The following KCNIP1 variants were observed in gnomAD, a reference collection of about 807,000 sequenced individuals.
The protein encoded by KCNIP1 is A-type potassium channel modulatory protein KCNIP1.
Under a neutral mutation model 33.0 loss-of-function variants are expected in KCNIP1, and 18 were observed. The ratio of observed to expected loss-of-function variants is 0.55; its 90% CI spans 0.38 to 0.81. The LOEUF (loss-of-function observed/expected upper bound fraction) is 0.81, where lower values mean the gene tolerates loss of function less well. Among genes scored for constraint, KCNIP1 ranks in the 30% least tolerant of loss-of-function variants. The pLI is 0.00. For missense variants in KCNIP1, 238 were observed against 271.6 expected, an observed-to-expected ratio of 0.88 and a Z score of 0.87; for synonymous variants, 93 against 98.3, an observed-to-expected ratio of 0.95 and a Z score of 0.32.
intron 1 of KCNIP1, among the ~76,000 whole-genome samples, chr5:170,371,134 A>T (rs927863819): frequency 6.6e-6 from 1 of 152,144 alleles, no homozygotes; most frequent in Non-Finnish European, 1.5e-5. Context: ...GCTTTTGCAT[A>T]GTGACCAGTT....
At chr5:170,454,040 C>G (rs1756316611) in intron 1 of KCNIP1, among the ~76,000 whole-genome samples, 1 of 152,218 alleles carries the variant, frequency 6.6e-6, no homozygotes, top group Non-Finnish European at 1.5e-5. Flanking sequence ...ACTGTCACAT[C>G]ATAAAGGTAT....
At chr5:170,708,024 T>C (rs556996507) in intron 1 of KCNIP1, among the ~76,000 whole-genome samples, 1 of 152,102 alleles carries the variant, frequency 6.6e-6, no homozygotes, top group Non-Finnish European at 1.5e-5. Flanking sequence ...TGGGGCTCAT[T>C]GTTAAGTTTA....
At chr5:170,547,140 T>A (rs1251412211) in intron 1 of KCNIP1, among the ~76,000 whole-genome samples, 1 of 152,370 alleles carries the variant, frequency 6.6e-6, no homozygotes, top group East Asian at 1.9e-4. Context: ...TGCTATTTAT[T>A]TGTAGATGGT....
intron 1 of KCNIP1, among the ~76,000 whole-genome samples, chr5:170,451,123 C>A (rs1202124032): frequency 1.3e-5 from 2 of 152,180 alleles, no homozygotes; most frequent in Non-Finnish European, 2.9e-5. Flanking sequence ...TGACATCAGA[C>A]AAGGCTATTC....
exon 1 of KCNIP1, chr5:170,353,533 C>A: frequency 2.6e-6 from 1 of 382,204 alleles, no homozygotes; most frequent in Non-Finnish European, 4.8e-6. Flanking sequence ...CTCCTCCCTC[C>A]CTGCTCTGCT....
At chr5:170,665,561 G>C (rs1009668150) in intron 1 of KCNIP1, among the ~76,000 whole-genome samples, 3 of 152,210 alleles carry the variant, frequency 2.0e-5, no homozygotes, top group Non-Finnish European at 4.4e-5. Flanking sequence ...CACCTGGTGA[G>C]CCCCATTGGT....
intron 1 of KCNIP1, among the ~76,000 whole-genome samples, chr5:170,524,579 T>A (rs912141306): frequency 6.6e-6 from 1 of 152,040 alleles, no homozygotes; most frequent in African/African-American, 2.4e-5. Context: ...TGTAAAAGAC[T>A]CAGAGCATGA....
At chr5:170,428,592 G>A (rs1469068151) in intron 1 of KCNIP1, among the ~76,000 whole-genome samples, 3 of 152,098 alleles carry the variant, frequency 2.0e-5, no homozygotes, top group South Asian at 4.2e-4. Context: ...GGCTCTGGGC[G>A]GTTTCTGGGA....
chr5:170,707,802 C>G (rs1162961431), intron 1 of KCNIP1, among the ~76,000 whole-genome samples: 1 of 151,070 alleles, frequency 6.6e-6, no homozygotes, highest in Non-Finnish European at 1.5e-5. Flanking sequence ...TTTTTTTGGA[C>G]TCCCTTTTTC....
At position 170,722,800 on chromosome 5, in the gene KCNIP1, G is replaced by A. The variant is rs1281775641; in HGVS notation, c.415G>A (p.Asp139Asn). ...ATTTAATTTGTATGACATCAACAAG[G>A]ACGGATACATAAACAAAGAGGTAAG... Reference protein sequence around the residue: ...WTFNLYDINKDGYINKEEMMD... With the variant: ...WTFNLYDINKNGYINKEEMMD... The change falls in exon 5 of 8, where the codon GAC (aspartate) becomes AAC (asparagine). Residue 139 changes from aspartate (D) to asparagine (N), a missense_variant. Asp to Asn is a conservative substitution (Grantham distance 23). Transcript: ENST00000328939. 1 of 1,612,654 alleles carries A rather than the reference G, an allele frequency of 6.2e-7. No homozygotes were observed. The highest frequency in any genetic ancestry group is 1.1e-5 in the South Asian group (1 of 91,006).
rs1379815739 is a variant in KCNIP1, at chr5:170,712,473, GGGCCTCCTGATTGT to G, written c.62-6282_62-6269del. Among the ~76,000 whole-genome samples, 5 of 152,182 alleles carry G rather than the reference GGGCCTCCTGATTGT, an allele frequency of 3.3e-5. No individual in the cohort carries two copies. The South Asian group carries it at 1.0e-3, about 32-fold the overall frequency. On this transcript the variant is annotated intron_variant, in intron 1 of 7. Transcript: ENST00000328939. ...ACAAAGAAGCAGAGAGGGGGAATGG[GGGCCTCCTGATTGT>G]GGAGGGTATCTTATAAGCCTCTCCT...
intron 5 of KCNIP1, among the ~76,000 whole-genome samples, chr5:170,731,890 A>G (rs1764216075): frequency 4.5e-5 from 1 of 22,194 alleles, no homozygotes; most frequent in African/African-American, 1.6e-4. Flanking sequence ...AAAAAAAAAA[A>G]AAAAAAAAAA....
rs143206871 is a variant in KCNIP1 at position 170,561,690 on chromosome 5, C to T, written c.61+57057C>T. On this transcript the variant is annotated intron_variant, in intron 1 of 7. Coordinates refer to ENST00000328939, the MANE Select transcript of KCNIP1 (RefSeq NM_014592.4). Reference sequence around the variant, plus strand: ...ATCACACAGGACGCCTATGCACACACGGTGCCTGGCACACAGTAGGTACAC... The same window carrying T: ...ATCACACAGGACGCCTATGCACACATGGTGCCTGGCACACAGTAGGTACAC... Among the ~76,000 whole-genome samples, 587 of 152,334 alleles carry T rather than the reference C, an allele frequency of 3.9e-3. 2 individuals carry two copies. The highest frequency in any genetic ancestry group is 0.01 in the Middle Eastern group (3 of 294).
chr5:170,492,424 C>G (rs1441861829), intron 1 of KCNIP1, among the ~76,000 whole-genome samples: 1 of 152,238 alleles, frequency 6.6e-6, no homozygotes, highest in Non-Finnish European at 1.5e-5. Context: ...GACGCGTTCT[C>G]CAACAGGGAA....
At chr5:170,536,944 T>A (rs1756010623) in intron 1 of KCNIP1, among the ~76,000 whole-genome samples, 1 of 152,158 alleles carries the variant, frequency 6.6e-6, no homozygotes, top group African/African-American at 2.4e-5. Flanking sequence ...CATGGGTAGC[T>A]CTGCTCAGAA....
chr5:170,353,800 C>G, exon 1 of KCNIP1: 2 of 1,379,272 alleles, frequency 1.5e-6, no homozygotes, highest in South Asian at 2.4e-5. Flanking sequence ...CAGGCAGGCT[C>G]CAAGTTCCTG....
At chr5:170,518,040 GTAA>G (rs1755213383) in intron 1 of KCNIP1, among the ~76,000 whole-genome samples, 1 of 151,862 alleles carries the variant, frequency 6.6e-6, no homozygotes, top group Non-Finnish European at 1.5e-5. Context: ...GATGATAATA[GTAA>G]TGATGGTGGT....
At chr5:170,591,823 CTTTG>C (rs756026165) in intron 1 of KCNIP1, among the ~76,000 whole-genome samples, 3 of 152,186 alleles carry the variant, frequency 2.0e-5, no homozygotes, top group Non-Finnish European at 2.9e-5. Flanking sequence ...ATATACCACA[CTTTG>C]TTTATCCATT....
chr5:170,720,336 G>T lies in KCNIP1; in HGVS notation c.202G>T (p.Val68Leu), dbSNP rs1296256078. The change falls in exon 3 of 8, where the codon GTG (valine) becomes TTG (leucine). Residue 68 changes from valine to leucine, a missense_variant. Coordinates refer to ENST00000328939, the MANE Select transcript of KCNIP1 (RefSeq NM_014592.4). ...RGFKNECPSG[V>L]VNEDTFKQIY... The stretch of plus-strand genomic sequence containing the variant: ...CTTCCCACAGGAGTGCCCCAGTGGT[G>T]TGGTCAACGAAGACACATTCAAGCA... 6.2e-7 allele frequency: 1 copy of T among 1,614,046 alleles called. No homozygotes were observed. The highest frequency in any genetic ancestry group is 1.7e-5 in the Admixed American group (1 of 60,026).
Sources: gnomAD v4.1 joint callset for allele counts (sites outside exome capture counted in the v4.1 genomes callset) on GRCh38, gnomAD v4.1.1 for gene constraint, MANE v1.5 for transcripts, NCBI Gene and HGNC (gene_info 2026-07-23, HGNC 2026-07-21) for gene names.